SPOCK1: variants seen among roughly 807,000 people sequenced by gnomAD.
The protein encoded by SPOCK1 is SPARC (osteonectin), cwcv and kazal like domains proteoglycan 1.
A neutral mutation model predicts 55.3 loss-of-function variants in SPOCK1; 23 were observed. That is an observed-to-expected ratio of 0.42 (90% CI 0.30 to 0.59). The LOEUF is 0.59. Ranked by LOEUF, SPOCK1 falls within the 20% of genes least tolerant of loss-of-function variation. The pLI, the probability that SPOCK1 is intolerant of heterozygous loss-of-function variation, is 0.22. For synonymous variants in SPOCK1, 226 were observed against 221.0 expected (o/e 1.02, Z -0.20); for missense variants, 499 against 552.5 (o/e 0.90, Z 0.97).
chr5:137,003,607 A>G (rs976612706), intron 6 of SPOCK1, among the ~76,000 whole-genome samples: 4 of 152,194 alleles, frequency 2.6e-5, no homozygotes, highest in Non-Finnish European at 2.9e-5. Context: ...TAGGGTATGT[A>G]CAAGTCTCTA....
chr5:137,029,011 G>A (rs1751729239), intron 6 of SPOCK1, among the ~76,000 whole-genome samples: 1 of 152,044 alleles, frequency 6.6e-6, no homozygotes, highest in Non-Finnish European at 1.5e-5. Context: ...GTGGTGGGGG[G>A]CTGCCTGCTT....
chr5:137,443,414 G>T (rs1317071514), intron 2 of SPOCK1, among the ~76,000 whole-genome samples: 1 of 152,018 alleles, frequency 6.6e-6, no homozygotes, highest in Non-Finnish European at 1.5e-5. Context: ...CAAAGGCTTA[G>T]TCTTTCATTT....
At chr5:137,487,240 G>T (rs551173524) in intron 2 of SPOCK1, among the ~76,000 whole-genome samples, 2 of 149,948 alleles carry the variant, frequency 1.3e-5, no homozygotes, top group East Asian at 4.0e-4. Flanking sequence ...TCAGAATGAG[G>T]AATACTGCCA....
chr5:136,985,331 C>A, intron 8 of SPOCK1, 129 bp from the exon 9 acceptor site: 1 of 910,896 alleles, frequency 1.1e-6, no homozygotes, highest in South Asian at 1.4e-5. Flanking sequence ...TATGCTGTTA[C>A]TATGCAAGAA....
intron 2 of SPOCK1, among the ~76,000 whole-genome samples, chr5:137,311,606 C>A (rs539256452): frequency 1.3e-5 from 2 of 152,328 alleles, no homozygotes; most frequent in Admixed American, 6.5e-5. Flanking sequence ...TCAGTCTAAT[C>A]TTTACACACA....
chr5:137,446,993 T>G (rs1159614317), intron 2 of SPOCK1, among the ~76,000 whole-genome samples: 2 of 152,234 alleles, frequency 1.3e-5, no homozygotes, highest in Non-Finnish European at 2.9e-5. Context: ...GTCCTTGCCT[T>G]TAAAGCTGAA....
chr5:137,401,337 T>C (rs1274360942), intron 2 of SPOCK1, among the ~76,000 whole-genome samples: 1 of 152,158 alleles, frequency 6.6e-6, no homozygotes, highest in Non-Finnish European at 1.5e-5. Context: ...TACTAAGTGC[T>C]TATCATGTGC....
chr5:137,420,701 G>A (rs994602284), intron 2 of SPOCK1, among the ~76,000 whole-genome samples: 1 of 152,110 alleles, frequency 6.6e-6, no homozygotes, highest in Non-Finnish European at 1.5e-5. Context: ...TTCTTTATGA[G>A]TCTTGCTAGT....
At chr5:137,215,072 G>C (rs540463910) in intron 3 of SPOCK1, among the ~76,000 whole-genome samples, 35 of 152,326 alleles carry the variant, frequency 2.3e-4, no homozygotes, top group African/African-American at 6.5e-4. Flanking sequence ...ATATTGGCTA[G>C]TGTGGGTGGG....
chr5:137,196,975 T>C (rs972636536), intron 3 of SPOCK1, among the ~76,000 whole-genome samples: 1 of 152,196 alleles, frequency 6.6e-6, no homozygotes, highest in African/African-American at 2.4e-5. Flanking sequence ...GAAAATAACC[T>C]AGTCACCCCG....
intron 2 of SPOCK1, among the ~76,000 whole-genome samples, chr5:137,335,768 T>G (rs920070457): frequency 4.6e-5 from 7 of 152,242 alleles, no homozygotes; most frequent in African/African-American, 1.7e-4. Context: ...ATATTGCATG[T>G]GCACACACAC....
At chr5:137,299,834 T>A (rs1757552351) in intron 2 of SPOCK1, among the ~76,000 whole-genome samples, 1 of 152,168 alleles carries the variant, frequency 6.6e-6, no homozygotes, top group African/African-American at 2.4e-5. Context: ...AAACTTTCTC[T>A]TTCTTTTGGT....
chr5:137,177,666 T>TA (rs957580642), intron 3 of SPOCK1, among the ~76,000 whole-genome samples: 5 of 152,050 alleles, frequency 3.3e-5, no homozygotes, highest in African/African-American at 1.2e-4. Context: ...TAACGCACAT[T>TA]AAAAAAAGTA....
chr5:137,242,277 C>A (rs147306967), intron 3 of SPOCK1, among the ~76,000 whole-genome samples: 59 of 152,148 alleles, frequency 3.9e-4, no homozygotes, highest in African/African-American at 1.2e-3. Context: ...TGGGAGGGAC[C>A]CGGTCGGAGG....
intron 6 of SPOCK1, among the ~76,000 whole-genome samples, chr5:137,026,902 T>A (rs900443225): frequency 6.6e-6 from 1 of 152,216 alleles, no homozygotes; most frequent in Admixed American, 6.5e-5. Context: ...ATCTATTATG[T>A]TCCAGGCCCT....
In SPOCK1 at chr5:137,249,592, T is replaced by G. The variant is rs545278373; in HGVS notation, c.232+17418A>C. Among the ~76,000 whole-genome samples the G allele has an allele frequency of 3.3e-5, 5 of 152,332 alleles. No homozygotes were observed. The South Asian group carries it at 1.0e-3, about 32-fold the overall frequency. On this transcript the variant is annotated intron_variant, in intron 3 of 10. Transcript: ENST00000394945. ...AATAGTTATCTATGGGAAGAATTAT[T>G]AGAGATAAAAAGCAACAAGAGAAAG...
intron 6 of SPOCK1, among the ~76,000 whole-genome samples, chr5:137,059,930 T>G (rs1474216513): frequency 1.3e-5 from 2 of 152,294 alleles, no homozygotes; most frequent in East Asian, 1.9e-4. Context: ...ATGGCTATTA[T>G]TAAAAAGTCA....
intron 3 of SPOCK1, among the ~76,000 whole-genome samples, chr5:137,199,036 C>G (rs905371728): frequency 5.9e-5 from 9 of 152,196 alleles, no homozygotes; most frequent in African/African-American, 1.7e-4. Flanking sequence ...CAATGACTAT[C>G]AGGATTTATT....
intron 5 of SPOCK1, among the ~76,000 whole-genome samples, chr5:137,110,028 C>T (rs554260601): frequency 6.6e-6 from 1 of 152,300 alleles, no homozygotes; most frequent in South Asian, 2.1e-4. Flanking sequence ...CATACAACAA[C>T]TGCAAGTGTT....
Sources: allele counts gnomAD v4.1 joint callset (sites outside exome capture counted in the v4.1 genomes callset), GRCh38; gene constraint gnomAD v4.1.1; transcripts MANE v1.5; gene names NCBI Gene and HGNC (gene_info 2026-07-23, HGNC 2026-07-21).